UNC13C: variants seen among roughly 807,000 people sequenced by gnomAD.
UNC13C encodes unc-13 homolog C.
Under a neutral mutation model 245.4 loss-of-function variants are expected in UNC13C, and 174 were observed. The ratio of observed to expected loss-of-function variants is 0.71; its 90% CI spans 0.63 to 0.80. The LOEUF (loss-of-function observed/expected upper bound fraction) is 0.80, where lower values mean the gene tolerates loss of function less well. UNC13C is among the 30% of genes least tolerant of loss of function. The pLI, the probability that UNC13C is intolerant of heterozygous loss-of-function variation, is 0.00. For synonymous variants in UNC13C, 992 were observed against 895.1 expected, an observed-to-expected ratio of 1.11 and a Z score of -1.93; for missense variants, 2,829 against 2,602.9, an observed-to-expected ratio of 1.09 and a Z score of -1.89.
At chr15:54,562,640 G>A (rs1000473009) in intron 29 of UNC13C, among the ~76,000 whole-genome samples, 5 of 151,914 alleles carry the variant, frequency 3.3e-5, no homozygotes, top group Admixed American at 1.3e-4. Context: ...GCTATGTATT[G>A]GTGCTCCTTC....
chr15:53,876,859 C>A, the UNC13C span, among the ~76,000 whole-genome samples: 2 of 152,110 alleles, frequency 1.3e-5, no homozygotes, highest in African/African-American at 4.8e-5. Flanking sequence ...AGAAGGCTTT[C>A]TATTATTTCT....
the UNC13C span, among the ~76,000 whole-genome samples, chr15:53,876,049 A>G: frequency 6.6e-6 from 1 of 152,196 alleles, no homozygotes; most frequent in South Asian, 2.1e-4. Context: ...TTCCCACGTA[A>G]TGATTTTTTA....
chr15:53,974,698 G>GA (rs1393599360), upstream of UNC13C: 2 of 150,762 alleles, frequency 1.3e-5, no homozygotes, highest in Non-Finnish European at 2.9e-5. Context: ...TCCCACAGTT[G>GA]AAAAATAATC....
chr15:54,277,046 T>C (rs1437226890), intron 10 of UNC13C, among the ~76,000 whole-genome samples: 2 of 152,168 alleles, frequency 1.3e-5, no homozygotes, highest in African/African-American at 4.8e-5. Flanking sequence ...GCTTCACTCT[T>C]ATTTCTCCTT....
At chr15:54,246,164 A>G (rs2035985120) in intron 7 of UNC13C, among the ~76,000 whole-genome samples, 1 of 151,678 alleles carries the variant, frequency 6.6e-6, no homozygotes, top group South Asian at 2.1e-4. Context: ...CCAGTGTCCT[A>G]ATTGTTCCAA....
At chr15:54,158,213 G>A (rs2032831803) in intron 4 of UNC13C, among the ~76,000 whole-genome samples, 2 of 152,240 alleles carry the variant, frequency 1.3e-5, no homozygotes. Context: ...GAGCAAATAA[G>A]TAGACCTCAT....
chr15:53,939,065 T>A, the UNC13C span, among the ~76,000 whole-genome samples: 7 of 151,698 alleles, frequency 4.6e-5, no homozygotes, highest in Non-Finnish European at 1.5e-5. Flanking sequence ...AGGAGCTGGT[T>A]TTTTGCAAAA....
At chr15:54,215,650 AT>A (rs2035016724) in intron 4 of UNC13C, among the ~76,000 whole-genome samples, 1 of 151,958 alleles carries the variant, frequency 6.6e-6, no homozygotes, top group Non-Finnish European at 1.5e-5. Context: ...TCTTTAAAAT[AT>A]TATGGCAGTT....
At chr15:54,586,970 A>C (rs981385322) in intron 30 of UNC13C, among the ~76,000 whole-genome samples, 1 of 152,208 alleles carries the variant, frequency 6.6e-6, no homozygotes, top group Non-Finnish European at 1.5e-5. Flanking sequence ...ATATTTACCA[A>C]ATTCCACTTA....
chr15:53,947,280 C>T, the UNC13C span, among the ~76,000 whole-genome samples: 1 of 152,162 alleles, frequency 6.6e-6, no homozygotes, highest in Non-Finnish European at 1.5e-5. Context: ...CATTAAGTTA[C>T]AGGCTGTGTC....
At chr15:54,533,090 T>C in intron 26 of UNC13C, 24 bp downstream of exon 26, 13 of 1,566,298 alleles carry the variant, frequency 8.3e-6, no homozygotes, top group Non-Finnish European at 1.1e-5. Context: ...CCCAGTTTTC[T>C]CTTTACTTAT....
intron 17 of UNC13C, among the ~76,000 whole-genome samples, chr15:54,378,817 TA>T (rs2039660481): frequency 6.6e-6 from 1 of 152,110 alleles, no homozygotes; most frequent in African/African-American, 2.4e-5. Flanking sequence ...AGAATTGTAA[TA>T]TTTTATAATT....
chr15:54,376,288 G>C (rs140374397), intron 17 of UNC13C, among the ~76,000 whole-genome samples: 95 of 152,084 alleles, frequency 6.2e-4, no homozygotes, highest in African/African-American at 2.2e-3. Context: ...CTAAGTTTAA[G>C]AAAAGAAAGG....
chr15:54,439,401 C>G (rs1166783052), intron 19 of UNC13C, among the ~76,000 whole-genome samples: 2 of 151,790 alleles, frequency 1.3e-5, no homozygotes, highest in Non-Finnish European at 2.9e-5. Flanking sequence ...ATAAAATTCT[C>G]TTCTTCAAGG....
intron 4 of UNC13C, among the ~76,000 whole-genome samples, chr15:54,165,567 T>A (rs949296371): frequency 1.3e-5 from 2 of 152,136 alleles, no homozygotes; most frequent in African/African-American, 4.8e-5. Context: ...AGTTCTTACA[T>A]CAACAAATAA....
At chr15:54,570,286 G>C (rs1897696978) in intron 30 of UNC13C, among the ~76,000 whole-genome samples, 1 of 152,112 alleles carries the variant, frequency 6.6e-6, no homozygotes, top group South Asian at 2.1e-4. Flanking sequence ...TAGCCCTCTG[G>C]AATGGGATTC....
At chr15:54,623,597 C>A (rs1263086409) in intron 31 of UNC13C, among the ~76,000 whole-genome samples, 198 bp from the exon 32 acceptor site, 1 of 152,182 alleles carries the variant, frequency 6.6e-6, no homozygotes, top group Non-Finnish European at 1.5e-5. Context: ...TTCACCAAAG[C>A]TACACAGCTT....
chr15:54,300,143 G>A (rs1339429115), intron 12 of UNC13C, 67 bp from the exon 13 acceptor site: 2 of 1,459,080 alleles, frequency 1.4e-6, no homozygotes, highest in Non-Finnish European at 1.9e-6. Context: ...TTTACTGGAA[G>A]TTTTAGTTAA....
At chr15:54,244,025 T>C (rs550058933) in intron 7 of UNC13C, among the ~76,000 whole-genome samples, 1 of 152,336 alleles carries the variant, frequency 6.6e-6, no homozygotes, top group East Asian at 1.9e-4. Flanking sequence ...CAATTGCTTT[T>C]GGCGTTTTTG....
Sources: gnomAD v4.1 joint callset for allele counts (sites outside exome capture counted in the v4.1 genomes callset) on GRCh38, gnomAD v4.1.1 for gene constraint, MANE v1.5 for transcripts, NCBI Gene and HGNC (gene_info 2026-07-23, HGNC 2026-07-21) for gene names.